Variants in PPP2R5E observed in about 807,000 individuals in gnomAD.
PPP2R5E encodes the protein protein phosphatase 2 regulatory subunit B'epsilon, also known as serine/threonine-protein phosphatase 2A 56 kDa regulatory subunit epsilon isoform.
Under a neutral mutation model 65.3 loss-of-function variants are expected in PPP2R5E, and 4 were observed. That is an observed-to-expected ratio of 0.06 (90% CI 0.03 to 0.14). PPP2R5E has a LOEUF of 0.14. PPP2R5E is among the 10% of genes least tolerant of loss of function. The pLI is 1.00. For synonymous variants in PPP2R5E, 183 were observed against 187.4 expected, an observed-to-expected ratio of 0.98 and a Z score of 0.19; for missense variants, 274 against 556.1, an observed-to-expected ratio of 0.49 and a Z score of 5.10.
At chr14:63,433,730 G>C (rs1371779964) in intron 3 of PPP2R5E, among the ~76,000 whole-genome samples, 1 of 152,302 alleles carries the variant, frequency 6.6e-6, no homozygotes, top group South Asian at 2.1e-4. Flanking sequence ...TAGCTACCTG[G>C]TTTTGGGAGA....
chr14:63,395,290 G>C lies in PPP2R5E; in HGVS notation c.681-5C>G. On this transcript the variant is annotated splice_region_variant and splice_polypyrimidine_tract_variant and intron_variant, in intron 6 of 13. Coordinates refer to ENST00000337537, the MANE Select transcript of PPP2R5E (RefSeq NM_006246.5). ...TGTTCTGTTTCATAAACAAACCTGAGAGAAGAGGAGAAAAGGGAGGAGAAA... is the reference window on the plus strand; with the variant it reads ...TGTTCTGTTTCATAAACAAACCTGACAGAAGAGGAGAAAAGGGAGGAGAAA... The C allele has an allele frequency of 6.3e-7, 1 of 1,594,680 alleles. No individual in the cohort carries two copies. Among genetic ancestry groups the C allele is most frequent in the South Asian group, 1.1e-5 (1 of 90,230 alleles).
chr14:63,538,235 C>G lies in PPP2R5E; in HGVS notation c.157+1294G>C, dbSNP rs1893753181. Among the ~76,000 whole-genome samples the G allele has an allele frequency of 2.7e-5, 4 of 150,928 alleles. 1 individual carries two copies. Among genetic ancestry groups the G allele is most frequent in the Middle Eastern group, 3.4e-3 (1 of 290 alleles). On this transcript the variant is annotated intron_variant, in intron 2 of 13. Transcript: ENST00000337537. ...ATCACTTGAGCCTAGGAAATAGAGG[C>G]CACAGTGAGCCCCAACCTGCACTTT...
chr14:63,455,684 T>G (rs1889081382), intron 2 of PPP2R5E, among the ~76,000 whole-genome samples: 1 of 152,202 alleles, frequency 6.6e-6, no homozygotes, highest in Non-Finnish European at 1.5e-5. Flanking sequence ...ATAAGGCTGC[T>G]TATGAGCATG....
chr14:63,409,973 T>C (rs886703732), intron 5 of PPP2R5E, among the ~76,000 whole-genome samples: 1 of 152,132 alleles, frequency 6.6e-6, no homozygotes, highest in African/African-American at 2.4e-5. Flanking sequence ...ATACTTACAA[T>C]ATATAGGGAA....
intron 3 of PPP2R5E, chr14:63,453,324 TA>T (rs527370553): frequency 9.9e-3 from 1,481 of 149,164 alleles, no homozygotes; most frequent in South Asian, 0.02. Context: ...TGAATAAGAT[TA>T]AAAAAAAAAA....
intron 2 of PPP2R5E, among the ~76,000 whole-genome samples, chr14:63,485,025 C>A (rs1381631351): frequency 6.6e-6 from 1 of 152,040 alleles, no homozygotes; most frequent in Non-Finnish European, 1.5e-5. Flanking sequence ...AAAATAAACA[C>A]CTCTGAAGCA....
Position 63,389,692 on chromosome 14 carries a change from T to C in PPP2R5E, c.994A>G (p.Ile332Val). Residue 332 changes from isoleucine (I) to valine (V), a missense_variant, in exon 11 of 14, where the codon ATT (isoleucine) becomes GTT (valine). This residue lies in a region of PPP2R5E where 129 missense variants were observed against 254.9 expected (regional missense o/e 0.51). Coordinates refer to ENST00000337537, the MANE Select transcript of PPP2R5E (RefSeq NM_006246.5). Reference protein sequence around the residue: ...LGELEEILDVIEPSQFVKIQE... With the variant: ...LGELEEILDVVEPSQFVKIQE... ...ATTTTAACAAATTGTGAAGGTTCAA[T>C]CACATCCAATATTTCTTCCAGTTCC... is the stretch of plus-strand genomic sequence containing the variant. 1 of 1,611,366 alleles carries C rather than the reference T, an allele frequency of 6.2e-7. No homozygotes were observed. The highest frequency in any genetic ancestry group is 1.7e-5 in the Admixed American group (1 of 59,556).
At chr14:63,522,072 T>C (rs957425538) in intron 2 of PPP2R5E, among the ~76,000 whole-genome samples, 7 of 145,048 alleles carry the variant, frequency 4.8e-5, no homozygotes, top group African/African-American at 1.8e-4. Flanking sequence ...GCTTGCCGAG[T>C]GCCTGCGATT....
chr14:63,444,688 A>T (rs949073404), intron 3 of PPP2R5E, among the ~76,000 whole-genome samples: 1 of 152,260 alleles, frequency 6.6e-6, no homozygotes, highest in Non-Finnish European at 1.5e-5. Context: ...ACACAAGGTG[A>T]TTTGGAAAGC....
At position 63,371,761 on chromosome 14, in the gene PPP2R5E, T is replaced by G. The variant is rs2139710870; in HGVS notation, c.*4248A>C. 6.6e-6 allele frequency: 1 copy of G among 152,234 alleles called. No individual in the cohort carries two copies. Among genetic ancestry groups the G allele is most frequent in the Non-Finnish European group, 1.5e-5 (1 of 68,006 alleles). 9.4% of individuals were successfully genotyped at this position (152,234 alleles called of 1,614,324 possible). ...TAAAAAAACACACACACAGCTAAAT[T>G]TAAAACCGATCATGAACCACAGCAT... On this transcript the variant is annotated 3_prime_UTR_variant, in exon 14 of 14. Coordinates refer to ENST00000337537, the MANE Select transcript of PPP2R5E (RefSeq NM_006246.5).
intron 7 of PPP2R5E, 51 bp from the exon 8 acceptor site, chr14:63,393,979 G>C (rs1470929229): frequency 9.5e-7 from 1 of 1,056,872 alleles, no homozygotes; most frequent in Non-Finnish European, 1.5e-6. Context: ...AAGTTGAACT[G>C]AGACAAACTG....
At chr14:63,542,065 A>G (rs1173365339) in intron 1 of PPP2R5E, among the ~76,000 whole-genome samples, 1 of 152,222 alleles carries the variant, frequency 6.6e-6, no homozygotes, top group Non-Finnish European at 1.5e-5. Flanking sequence ...ACATTTCAGT[A>G]AATCCTCTTC....
At position 63,372,737 on chromosome 14, in the gene PPP2R5E, T is replaced by C. The variant is rs1192449440; in HGVS notation, c.*3272A>G. ...TTTCTTTCCATAGTGTGATTGAGCC[T>C]AGGGCTATACATTTAAGTATAGCAG... On this transcript the variant is annotated 3_prime_UTR_variant, in exon 14 of 14. Coordinates refer to ENST00000337537, the MANE Select transcript of PPP2R5E (RefSeq NM_006246.5). The C allele has an allele frequency of 6.6e-6, 1 of 152,106 alleles. No individual in the cohort carries two copies. Among genetic ancestry groups the C allele is most frequent in the African/African-American group, 2.4e-5 (1 of 41,424 alleles). 9.4% of individuals were successfully genotyped at this position (152,106 alleles called of 1,614,324 possible). A position where few individuals can be genotyped will look rare whatever the true frequency, so the allele number is the denominator to read the frequency against.
chr14:63,397,502 TAAAAAAAAAAAAAA>T (rs1163450765), intron 5 of PPP2R5E, among the ~76,000 whole-genome samples: 959 of 62,330 alleles, frequency 0.015, 18 homozygotes, highest in African/African-American at 0.059. Context: ...ATTCGGTCTT[TAAAAAAAAAAAAAA>T]AAAAAAAAAA....
intron 2 of PPP2R5E, among the ~76,000 whole-genome samples, chr14:63,512,780 C>T (rs1326909115): frequency 6.6e-6 from 1 of 151,962 alleles, no homozygotes; most frequent in African/African-American, 2.4e-5. Context: ...AAAACTAAAA[C>T]ATATCTTCCA....
At chr14:63,482,288 C>A (rs575280717) in intron 2 of PPP2R5E, among the ~76,000 whole-genome samples, 2 of 152,162 alleles carry the variant, frequency 1.3e-5, no homozygotes, top group African/African-American at 4.8e-5. Flanking sequence ...GGTGAAACCC[C>A]GTCTCTACTA....
At chr14:63,392,725 A>G (rs1885096767) in intron 8 of PPP2R5E, among the ~76,000 whole-genome samples, 1 of 152,246 alleles carries the variant, frequency 6.6e-6, no homozygotes, top group Non-Finnish European at 1.5e-5. Flanking sequence ...TTAGAAACAT[A>G]TGGATTAATT....
rs142647334 is a variant in PPP2R5E at position 63,408,477 on chromosome 14, C to T, written c.549+6663G>A. Among the ~76,000 whole-genome samples, 255 of 152,228 alleles carry T rather than the reference C, an allele frequency of 1.7e-3. 2 individuals carry two copies. In the East Asian group the frequency reaches 0.029, roughly 17 times the overall value. ...TCAGCAGGGTCATCTCCACCTAAGG[C>T]GCTATTATGTTCCATTCTACTGTTC... On this transcript the variant is annotated intron_variant, in intron 5 of 13. Coordinates refer to ENST00000337537, the MANE Select transcript of PPP2R5E (RefSeq NM_006246.5).
chr14:63,434,264 A>G (rs1163928645), intron 3 of PPP2R5E, among the ~76,000 whole-genome samples: 1 of 152,224 alleles, frequency 6.6e-6, no homozygotes, highest in Non-Finnish European at 1.5e-5. Context: ...ACAAACAAAA[A>G]ATGGCAGATA....
Sources: allele counts gnomAD v4.1 joint callset (sites outside exome capture counted in the v4.1 genomes callset), GRCh38; gene constraint gnomAD v4.1.1; regional missense constraint gnomAD v4.1.1; transcripts MANE v1.5; gene names NCBI Gene and HGNC (gene_info 2026-07-23, HGNC 2026-07-21).